The following PAIP2B variants were observed in gnomAD, a reference collection of about 807,000 sequenced individuals.
The protein encoded by PAIP2B is polyadenylate-binding protein-interacting protein 2B.
Under a neutral mutation model 17.0 loss-of-function variants are expected in PAIP2B, and 13 were observed. The observed-to-expected ratio is 0.76, with a 90% confidence interval of 0.50 to 1.22. The LOEUF (loss-of-function observed/expected upper bound fraction) is 1.22, where lower values mean the gene tolerates loss of function less well. Ranked by LOEUF, PAIP2B falls within the 50% of genes most tolerant of loss-of-function variation. The pLI is 0.00. For missense variants in PAIP2B, 117 were observed against 144.5 expected, an observed-to-expected ratio of 0.81 and a Z score of 0.98; for synonymous variants, 43 against 48.7, an observed-to-expected ratio of 0.88 and a Z score of 0.48.
chr2:71,218,344 T>G, intron 1 of PAIP2B, among the ~76,000 whole-genome samples: 1 of 151,428 alleles, frequency 6.6e-6, no homozygotes, highest in Admixed American at 6.6e-5. Flanking sequence ...TTTTATAAAA[T>G]TACTCAGAAA....
intron 1 of PAIP2B, among the ~76,000 whole-genome samples, chr2:71,210,649 G>A (rs537551788): frequency 3.9e-5 from 6 of 152,250 alleles, no homozygotes; most frequent in African/African-American, 1.4e-4. Flanking sequence ...CACTTATGTG[G>A]TCCCTATATT....
chr2:71,199,895 T>C (rs1320630394), intron 2 of PAIP2B, among the ~76,000 whole-genome samples: 2 of 152,198 alleles, frequency 1.3e-5, no homozygotes, highest in Non-Finnish European at 1.5e-5. Context: ...TGTTGGAGGA[T>C]ATAAGCCATT....
At chr2:71,212,355 C>A (rs1248044978) in intron 1 of PAIP2B, among the ~76,000 whole-genome samples, 1 of 152,180 alleles carries the variant, frequency 6.6e-6, no homozygotes, top group African/African-American at 2.4e-5. Context: ...TTGGAAGTTT[C>A]TTGAGGGCAA....
intron 1 of PAIP2B, among the ~76,000 whole-genome samples, chr2:71,213,844 C>A (rs118066554): frequency 6.6e-6 from 1 of 152,080 alleles, no homozygotes; most frequent in East Asian, 1.9e-4. Flanking sequence ...AAACAACTAT[C>A]GTAATCTATC....
chr2:71,197,420 A>G (rs756678495), intron 2 of PAIP2B, among the ~76,000 whole-genome samples: 4 of 152,096 alleles, frequency 2.6e-5, no homozygotes, highest in Non-Finnish European at 5.9e-5. Context: ...TAGGTGACCT[A>G]CCCTTTCTCT....
chr2:71,223,266 C>T lies in PAIP2B; in HGVS notation c.-12+3662G>A, dbSNP rs550117920. Among the ~76,000 whole-genome samples the T allele has an allele frequency of 4.6e-5, 7 of 151,958 alleles. No individual in the cohort carries two copies. In the East Asian group the frequency reaches 5.9e-4, roughly 13 times the overall value. On this transcript the variant is annotated intron_variant, in intron 1 of 3. Transcript: ENST00000244221. ...TGTTTCTACTAAAAATACAAAAATTCGTTGGGTGTGGTGGTGTGAGCCTAT... is the reference window on the plus strand; with the variant it reads ...TGTTTCTACTAAAAATACAAAAATTTGTTGGGTGTGGTGGTGTGAGCCTAT...
chr2:71,199,972 A>G (rs1198868023), intron 2 of PAIP2B, among the ~76,000 whole-genome samples: 1 of 152,202 alleles, frequency 6.6e-6, no homozygotes, highest in Non-Finnish European at 1.5e-5. Context: ...TAAAAGTCCC[A>G]CTACTTTTCT....
Position 71,224,801 on chromosome 2 carries a change from G to A in PAIP2B, c.-12+2127C>T, listed in dbSNP as rs187794357. On this transcript the variant is annotated intron_variant, in intron 1 of 3. Coordinates refer to ENST00000244221, the MANE Select transcript of PAIP2B (RefSeq NM_020459.1). ...GTGAGCTCCTCAAGGTCTCTAAGAA[G>A]AAATCATAGCTAGAGTCCTCTAAAT... Among the ~76,000 whole-genome samples the A allele has an allele frequency of 2.0e-3, 302 of 152,250 alleles. 3 individuals are homozygous for A. Among genetic ancestry groups the A allele is most frequent in the Admixed American group, 3.7e-3 (57 of 15,296 alleles).
At chr2:71,208,730 T>C (rs1479194249) in intron 1 of PAIP2B, among the ~76,000 whole-genome samples, 1 of 152,088 alleles carries the variant, frequency 6.6e-6, no homozygotes, top group Non-Finnish European at 1.5e-5. Flanking sequence ...CTCAATTCAA[T>C]GATAGGTATA....
In PAIP2B at chr2:71,184,079, T is replaced by A. The variant is rs1674468451; in HGVS notation, c.*4400A>T. Reference sequence around the variant, plus strand: ...TTTTACTGTTTTGTAGTAAGCACATTTTAGTAACTGTACACTAGTACAATG... The same window carrying A: ...TTTTACTGTTTTGTAGTAAGCACATATTAGTAACTGTACACTAGTACAATG... On this transcript the variant is annotated 3_prime_UTR_variant, in exon 4 of 4. Coordinates refer to ENST00000244221, the MANE Select transcript of PAIP2B (RefSeq NM_020459.1). 6.6e-6 allele frequency: 1 copy of A among 152,228 alleles called. No homozygotes were observed. The highest frequency in any genetic ancestry group is 2.4e-5 in the African/African-American group (1 of 41,470). 9.4% of individuals were successfully genotyped at this position (152,228 alleles called of 1,614,324 possible).
intron 1 of PAIP2B, among the ~76,000 whole-genome samples, chr2:71,208,284 T>C (rs559644638): frequency 6.6e-6 from 1 of 152,022 alleles, no homozygotes; most frequent in East Asian, 1.9e-4. Flanking sequence ...ATTAGCTGAA[T>C]GTGGTGGTAC....
chr2:71,212,867 C>T (rs1675335767), intron 1 of PAIP2B, among the ~76,000 whole-genome samples: 1 of 152,022 alleles, frequency 6.6e-6, no homozygotes, highest in African/African-American at 2.4e-5. Flanking sequence ...AATCCTCCTG[C>T]CTCAGCCTCC....
intron 1 of PAIP2B, among the ~76,000 whole-genome samples, chr2:71,205,924 C>T (rs1675114448): frequency 6.6e-6 from 1 of 152,136 alleles, no homozygotes; most frequent in Non-Finnish European, 1.5e-5. Flanking sequence ...TGTAAGTGAG[C>T]TTAGAAGTGC....
Position 71,186,697 on chromosome 2 carries a change from C to T in PAIP2B, c.*1782G>A, listed in dbSNP as rs979793707. The T allele has an allele frequency of 9.9e-5, 15 of 152,166 alleles. No homozygotes were observed. Among genetic ancestry groups the T allele is most frequent in the African/African-American group, 3.4e-4 (14 of 41,440 alleles). The allele number at this position is 152,166 out of a possible 1,614,324, so 9.4% of individuals were successfully genotyped here. A position where few individuals can be genotyped will look rare whatever the true frequency, so the allele number is the denominator to read the frequency against. On this transcript the variant is annotated 3_prime_UTR_variant, in exon 4 of 4. Transcript: ENST00000244221. ...ATAAAGAAGTTTCTTTATTCATAGTCCTCTCTGAAAAAGAGTTAACAGTTT... is the reference window on the plus strand; with the variant it reads ...ATAAAGAAGTTTCTTTATTCATAGTTCTCTCTGAAAAAGAGTTAACAGTTT...
At chr2:71,214,970 T>A (rs895893900) in intron 1 of PAIP2B, among the ~76,000 whole-genome samples, 1 of 151,966 alleles carries the variant, frequency 6.6e-6, no homozygotes, top group Non-Finnish European at 1.5e-5. Context: ...TTAAAAAACA[T>A]ACAAAGATGG....
At chr2:71,223,195 C>G (rs888289916) in intron 1 of PAIP2B, among the ~76,000 whole-genome samples, 2 of 152,114 alleles carry the variant, frequency 1.3e-5, no homozygotes, top group Admixed American at 1.3e-4. Context: ...GGTGGATTCC[C>G]TGAGGTCAGA....
At position 71,227,081 on chromosome 2, in the gene PAIP2B, C is replaced by T. The variant is rs1382115677; in HGVS notation, c.-165G>A. On this transcript the variant is annotated 5_prime_UTR_variant, in exon 1 of 4. Transcript: ENST00000244221. Reference sequence around the variant, plus strand: ...CCCGAGAAGCGCCACTACCACTTGCCAGGTTATCTCTTACTGCACACTGCC... The same window carrying T: ...CCCGAGAAGCGCCACTACCACTTGCTAGGTTATCTCTTACTGCACACTGCC... 1 of 153,162 alleles carries T rather than the reference C, an allele frequency of 6.5e-6. No homozygotes were observed. The highest frequency in any genetic ancestry group is 1.5e-5 in the Non-Finnish European group (1 of 68,114). 9.5% of individuals were successfully genotyped at this position (153,162 alleles called of 1,614,324 possible). A position where few individuals can be genotyped will look rare whatever the true frequency, so the allele number is the denominator to read the frequency against.
At chr2:71,203,339 C>T (rs1449738999) in intron 1 of PAIP2B, among the ~76,000 whole-genome samples, 2 of 150,250 alleles carry the variant, frequency 1.3e-5, no homozygotes, top group East Asian at 2.3e-4. Flanking sequence ...AAAGGTTCTC[C>T]TTTATAAAGG....
In PAIP2B at chr2:71,185,620, G is replaced by C. The variant is rs1454753082; in HGVS notation, c.*2859C>G. ...AGGGACCCCAGCTGCTGTGACTTTGGAAACTAAAGGTGTTAACAAAGGTCA... is the reference window on the plus strand; with the variant it reads ...AGGGACCCCAGCTGCTGTGACTTTGCAAACTAAAGGTGTTAACAAAGGTCA... On this transcript the variant is annotated 3_prime_UTR_variant, in exon 4 of 4. Transcript: ENST00000244221. 1.3e-5 allele frequency: 2 copies of C among 151,228 alleles called. No homozygotes were observed. The highest frequency in any genetic ancestry group is 2.9e-5 in the Non-Finnish European group (2 of 67,894). The allele number at this position is 151,228 out of a possible 1,614,324, so 9.4% of individuals were successfully genotyped here.
Sources: allele counts gnomAD v4.1 joint callset (sites outside exome capture counted in the v4.1 genomes callset), GRCh38; gene constraint gnomAD v4.1.1; transcripts MANE v1.5; gene names NCBI Gene and HGNC (gene_info 2026-07-23, HGNC 2026-07-21).